The following EXPH5 variants were observed in gnomAD, a reference collection of about 807,000 sequenced individuals.
The protein encoded by EXPH5 is exophilin-5.
Under a neutral mutation model 41.1 loss-of-function variants are expected in EXPH5, and 42 were observed. The ratio of observed to expected loss-of-function variants is 1.02; its 90% confidence interval spans 0.80 to 1.32. The LOEUF (loss-of-function observed/expected upper bound fraction) is 1.32. EXPH5 is among the 40% of genes most tolerant of loss of function. The pLI is 0.00. For synonymous variants in EXPH5, 798 were observed against 833.5 expected (o/e 0.96, Z 0.73); for missense variants, 2,298 against 2,314.5 (o/e 0.99, Z 0.15).
rs754745500 is a variant in EXPH5, at chr11:108,509,699, T to C, written c.5808A>G (p.Leu1936=). ...CCTGACTACTGGGAGAATTTGAGCT[T>C]AATGACTCTGAGGGGTTGGGAGGGT... The part of the protein sequence containing the change: ...LRNPPNPSES[L]SSNSPSSQVP... The change falls in exon 6 of 6, where the codon TTA becomes TTG. Residue 1936 remains leucine, a synonymous_variant. Coordinates refer to ENST00000265843, the MANE Select transcript of EXPH5 (RefSeq NM_015065.3). The C allele has an allele frequency of 2.5e-6, 4 of 1,613,484 alleles. No homozygotes were observed. The South Asian group carries it at 4.4e-5, about 18-fold the overall frequency.
rs141783256 is a variant in EXPH5 at position 108,512,550 on chromosome 11, A to G, written c.2957T>C (p.Leu986Ser). The G allele has an allele frequency of 4.5e-5, 72 of 1,612,096 alleles. No homozygotes were observed. The highest frequency in any genetic ancestry group is 6.0e-5 in the Non-Finnish European group (71 of 1,179,610). The change falls in exon 6 of 6, where the codon TTA (leucine) becomes TCA (serine). Residue 986 changes from leucine to serine, a missense_variant. Coordinates refer to ENST00000265843, the MANE Select transcript of EXPH5 (RefSeq NM_015065.3). ...IRHHISCIEK[L>S]SKTESISVPT... ...TACTGATATACTTTCTGTTTTGCTT[A>G]ACTTTTCAATACAGGATATATGATG...
Position 108,506,899 on chromosome 11 carries a change from G to A in EXPH5, c.*2638C>T, listed in dbSNP as rs1353297493. The A allele has an allele frequency of 6.6e-6, 1 of 152,318 alleles. No individual in the cohort carries two copies. The highest frequency in any genetic ancestry group is 1.9e-4 in the East Asian group (1 of 5,182). The allele number at this position is 152,318 out of a possible 1,614,324, so 9.4% of individuals were successfully genotyped here. On this transcript the variant is annotated 3_prime_UTR_variant, in exon 6 of 6. Transcript: ENST00000265843. ...CCAGCTACTCGGGAAGCTGAGGCAG[G>A]AGAATCGCTTGAACCTGGGAGGCGG...
At chr11:108,560,201 A>T (rs1304525468) in intron 1 of EXPH5, among the ~76,000 whole-genome samples, 1 of 152,260 alleles carries the variant, frequency 6.6e-6, no homozygotes, top group Non-Finnish European at 1.5e-5. Context: ...GTGGAGGTTC[A>T]GAGAGTCCAT....
At chr11:108,532,950 G>C (rs949588691) in intron 3 of EXPH5, among the ~76,000 whole-genome samples, 1 of 152,100 alleles carries the variant, frequency 6.6e-6, no homozygotes, top group Non-Finnish European at 1.5e-5. Flanking sequence ...CTTCCTTCTT[G>C]TTGTCCTCAC....
At position 108,531,572 on chromosome 11, in the gene EXPH5, A is replaced by C. The variant is rs73548768; in HGVS notation, c.444-3388T>G. Among the ~76,000 whole-genome samples, 942 of 152,344 alleles carry C rather than the reference A, an allele frequency of 6.2e-3. 7 individuals are homozygous for C. The highest frequency in any genetic ancestry group is 0.021 in the African/African-American group (865 of 41,578). On this transcript the variant is annotated intron_variant, in intron 3 of 5. Transcript: ENST00000265843. ...TTCCACAGGTACTCTAGACTTGTCA[A>C]ATTAATTCCACCTCCATTAAATATT...
At chr11:108,525,799 G>A (rs2093794632) in intron 4 of EXPH5, among the ~76,000 whole-genome samples, 1 of 149,450 alleles carries the variant, frequency 6.7e-6, no homozygotes, top group South Asian at 2.2e-4. Context: ...GAATAAGTAA[G>A]AGAAATCTAC....
intron 4 of EXPH5, among the ~76,000 whole-genome samples, chr11:108,525,015 C>G (rs1485635133): frequency 6.6e-6 from 1 of 152,164 alleles, no homozygotes; most frequent in Non-Finnish European, 1.5e-5. Flanking sequence ...CGGTTTCCCC[C>G]ATACTGTTCT....
rs531651931 is a variant in EXPH5 at position 108,561,999 on chromosome 11, C to T, written c.120-20187G>A. Among the ~76,000 whole-genome samples, 14 of 152,258 alleles carry T rather than the reference C, an allele frequency of 9.2e-5. 1 individual carries two copies. In the South Asian group the frequency reaches 2.3e-3, roughly 25 times the overall value. ...TGCTGCAGTATTCTGATCAACATTC[C>T]GGTTCCTGAGGACTGGCCGTGCAGG... On this transcript the variant is annotated intron_variant, in intron 1 of 5. Transcript: ENST00000265843.
At chr11:108,564,903 C>CTTT (rs34384478) in intron 1 of EXPH5, among the ~76,000 whole-genome samples, 13,111 of 118,264 alleles carry the variant, frequency 0.11, 1,028 homozygotes, top group East Asian at 0.2. Context: ...ATATGTGTAG[C>CTTT]TTTTTTTTTT....
At chr11:108,534,136 A>G (rs957238955) in intron 3 of EXPH5, among the ~76,000 whole-genome samples, 6 of 152,346 alleles carry the variant, frequency 3.9e-5, no homozygotes, top group African/African-American at 1.4e-4. Context: ...GGGTAACAAA[A>G]TCACCGTTGG....
intron 1 of EXPH5, chr11:108,552,119 A>G (rs963624342): frequency 6.6e-6 from 1 of 151,240 alleles, no homozygotes; most frequent in Non-Finnish European, 1.5e-5. Context: ...AAGCTTTAAA[A>G]CAACTGTTGT....
intron 1 of EXPH5, among the ~76,000 whole-genome samples, chr11:108,576,382 A>G (rs761350419): frequency 6.6e-6 from 1 of 152,136 alleles, no homozygotes; most frequent in East Asian, 1.9e-4. Context: ...CATGGTTGCT[A>G]GTAGTTGAGG....
At chr11:108,521,269 G>A (rs1014629370) in intron 4 of EXPH5, among the ~76,000 whole-genome samples, 5 of 152,126 alleles carry the variant, frequency 3.3e-5, no homozygotes, top group Admixed American at 3.3e-4. Flanking sequence ...TAACAGGTCT[G>A]TCTGATTCCA....
intron 4 of EXPH5, among the ~76,000 whole-genome samples, chr11:108,523,220 T>C (rs1370631036): frequency 6.6e-6 from 1 of 152,154 alleles, no homozygotes; most frequent in East Asian, 1.9e-4. Context: ...TTATTTTTAA[T>C]ATACTTAAAA....
At chr11:108,593,377 G>A in intron 1 of EXPH5, 41 bp downstream of exon 1, 12 of 1,568,794 alleles carry the variant, frequency 7.6e-6, no homozygotes, top group Non-Finnish European at 1.1e-5. Flanking sequence ...GGCCCCTGCG[G>A]GACCCAGGCC....
At position 108,539,622 on chromosome 11, in the gene EXPH5, T is replaced by G. The variant is rs573679791; in HGVS notation, c.281-436A>C. Among the ~76,000 whole-genome samples the G allele has an allele frequency of 1.4e-3, 214 of 152,216 alleles. 1 individual carries two copies. The highest frequency in any genetic ancestry group is 2.8e-3 in the Non-Finnish European group (191 of 68,042). On this transcript the variant is annotated intron_variant, in intron 2 of 5. Transcript: ENST00000265843. ...GGAAAAGGAAATTAAGCCATTTAGA[T>G]TTTTCTTCATTCCTTTCCAAAATCT...
chr11:108,568,179 A>AGGG (rs1200582933), intron 1 of EXPH5: 2 of 114,900 alleles, frequency 1.7e-5, no homozygotes, highest in African/African-American at 6.2e-5. Flanking sequence ...TTTTTTTGGG[A>AGGG]GGGGGGGAGG....
At chr11:108,599,192 G>T in the EXPH5 span, among the ~76,000 whole-genome samples, 1 of 151,918 alleles carries the variant, frequency 6.6e-6, no homozygotes, top group Non-Finnish European at 1.5e-5. Context: ...CTTTCCTCTG[G>T]GCAGAACTCA....
chr11:108,578,426 G>T (rs1396195442), intron 1 of EXPH5, among the ~76,000 whole-genome samples: 1 of 152,114 alleles, frequency 6.6e-6, no homozygotes, highest in Non-Finnish European at 1.5e-5. Context: ...TGTTATTTTA[G>T]TTACTGCTGC....
Sources: gnomAD v4.1 joint callset for allele counts (sites outside exome capture counted in the v4.1 genomes callset) on GRCh38, gnomAD v4.1.1 for gene constraint, MANE v1.5 for transcripts, NCBI Gene and HGNC (gene_info 2026-07-23, HGNC 2026-07-21) for gene names.